EYA2: variants seen among roughly 807,000 people sequenced by gnomAD.
EYA2 encodes the protein protein phosphatase EYA2.
A neutral mutation model predicts 69.2 loss-of-function variants in EYA2; 31 were observed. That is an observed-to-expected ratio of 0.45 (90% CI 0.34 to 0.60). The LOEUF is 0.60. EYA2 is among the 20% of genes least tolerant of loss of function. The pLI is 0.02. For synonymous variants in EYA2, 257 were observed against 279.4 expected (o/e 0.92, Z 0.80); for missense variants, 622 against 701.2 (o/e 0.89, Z 1.28).
At chr20:47,186,833 T>C (rs1198828925) in intron 15 of EYA2, among the ~76,000 whole-genome samples, 2 of 152,212 alleles carry the variant, frequency 1.3e-5, no homozygotes, top group Non-Finnish European at 2.9e-5. Context: ...TCTTATTTAT[T>C]ATCTTTTAAA....
chr20:46,991,947 G>A (rs541965405), intron 2 of EYA2, among the ~76,000 whole-genome samples: 60 of 130,446 alleles, frequency 4.6e-4, no homozygotes, highest in African/African-American at 1.6e-3. Flanking sequence ...CAGCCTGGGC[G>A]ACAGACGTGA....
At chr20:47,121,694 G>A (rs897814217) in intron 9 of EYA2, among the ~76,000 whole-genome samples, 1 of 152,092 alleles carries the variant, frequency 6.6e-6, no homozygotes, top group African/African-American at 2.4e-5. Context: ...ATAGCACTGG[G>A]TCAGATCCTT....
At chr20:46,952,233 T>A (rs568259541) in intron 1 of EYA2, among the ~76,000 whole-genome samples, 12 of 151,940 alleles carry the variant, frequency 7.9e-5, no homozygotes, top group Non-Finnish European at 1.5e-4. Flanking sequence ...GCCGTGGGCA[T>A]GTCTGAAAGG....
At chr20:46,919,895 C>T (rs754769458) in intron 1 of EYA2, among the ~76,000 whole-genome samples, 13 of 152,212 alleles carry the variant, frequency 8.5e-5, no homozygotes, top group Admixed American at 5.2e-4. Flanking sequence ...ACTCAGAGGC[C>T]ATTGTTGGAT....
At chr20:47,062,724 CT>C (rs1422503359) in intron 5 of EYA2, among the ~76,000 whole-genome samples, 1 of 152,150 alleles carries the variant, frequency 6.6e-6, no homozygotes, top group Non-Finnish European at 1.5e-5. Flanking sequence ...CCAGAAGAGC[CT>C]TCTGCGGTGA....
chr20:46,963,083 G>T (rs115951545), intron 1 of EYA2, among the ~76,000 whole-genome samples: 1 of 152,212 alleles, frequency 6.6e-6, no homozygotes, highest in Admixed American at 6.5e-5. Flanking sequence ...TGCCTCAGCA[G>T]GACTAAGCCC....
At chr20:47,175,878 T>C (rs535792977) in intron 12 of EYA2, among the ~76,000 whole-genome samples, 2 of 152,242 alleles carry the variant, frequency 1.3e-5, no homozygotes, top group African/African-American at 2.4e-5. Context: ...CTCCTAGAGT[T>C]GATAGACTAA....
chr20:47,054,504 T>TGG (rs1172384558), intron 5 of EYA2, among the ~76,000 whole-genome samples: 1 of 152,166 alleles, frequency 6.6e-6, no homozygotes, highest in Non-Finnish European at 1.5e-5. Flanking sequence ...TGAGCATGTG[T>TGG]GGGGGGCTGC....
intron 10 of EYA2, among the ~76,000 whole-genome samples, chr20:47,144,693 T>C (rs546209533): frequency 1.3e-5 from 2 of 152,346 alleles, no homozygotes; most frequent in East Asian, 3.9e-4. Context: ...AAAATGGAAT[T>C]GGTATTCTTT....
rs552864802 is a variant in EYA2, at chr20:47,146,074, T to C, written c.978+2926T>C. Among the ~76,000 whole-genome samples the C allele has an allele frequency of 1.7e-4, 25 of 151,156 alleles. No homozygotes were observed. The South Asian group carries it at 1.7e-3, about 10-fold the overall frequency. ...CTTGCTGATAGACTAGATGTGGAGG[T>C]TGGGGGAGAGAGAGGTGGCAAGGAC... is the stretch of plus-strand genomic sequence containing the variant. On this transcript the variant is annotated intron_variant, in intron 10 of 15. Coordinates refer to ENST00000327619, the MANE Select transcript of EYA2 (RefSeq NM_005244.5).
chr20:46,961,717 C>G (rs1253980822), intron 1 of EYA2, among the ~76,000 whole-genome samples: 1 of 152,200 alleles, frequency 6.6e-6, no homozygotes, highest in Non-Finnish European at 1.5e-5. Context: ...CTGCCATTCT[C>G]AGCAACATGA....
intron 7 of EYA2, among the ~76,000 whole-genome samples, chr20:47,082,203 A>G (rs2031746886): frequency 6.6e-6 from 1 of 152,148 alleles, no homozygotes; most frequent in Non-Finnish European, 1.5e-5. Context: ...ATATTTAAGA[A>G]CTCACTTTAA....
At chr20:46,898,261 T>C (rs1983909413) in intron 1 of EYA2, among the ~76,000 whole-genome samples, 1 of 151,482 alleles carries the variant, frequency 6.6e-6, no homozygotes, top group African/African-American at 2.4e-5. Context: ...TGGTTTTTTT[T>C]TTTTTTGGTT....
chr20:47,154,245 C>G (rs1051414822), intron 10 of EYA2, among the ~76,000 whole-genome samples: 4 of 151,980 alleles, frequency 2.6e-5, no homozygotes, highest in Admixed American at 6.5e-5. Context: ...AGAGAGAAAA[C>G]AGCTGTCTGG....
chr20:47,170,646 C>CA (rs56782816), intron 11 of EYA2, among the ~76,000 whole-genome samples: 2,933 of 84,342 alleles, frequency 0.035, 120 homozygotes, highest in East Asian at 0.25. Context: ...GACTCCGTCT[C>CA]AAAAAAAAAA....
chr20:47,028,011 C>G (rs1041047669), intron 5 of EYA2, among the ~76,000 whole-genome samples: 2 of 152,022 alleles, frequency 1.3e-5, no homozygotes, highest in Non-Finnish European at 2.9e-5. Flanking sequence ...GGTGATGAGG[C>G]CTTTGGGAGG....
At chr20:47,144,891 A>C (rs1410578360) in intron 10 of EYA2, among the ~76,000 whole-genome samples, 1 of 152,200 alleles carries the variant, frequency 6.6e-6, no homozygotes, top group Non-Finnish European at 1.5e-5. Context: ...CAAACAAACA[A>C]AAACTGTGGC....
intron 4 of EYA2, among the ~76,000 whole-genome samples, chr20:47,009,911 G>A (rs976734051): frequency 3.9e-5 from 6 of 152,104 alleles, no homozygotes; most frequent in Admixed American, 3.3e-4. Context: ...ACATTCTTTT[G>A]CAACTTGCTT....
At chr20:46,951,685 C>A (rs1482811486) in intron 1 of EYA2, among the ~76,000 whole-genome samples, 1 of 152,336 alleles carries the variant, frequency 6.6e-6, no homozygotes, top group Non-Finnish European at 1.5e-5. Context: ...CCCCACTAAC[C>A]TGCTGTGGGA....
Sources: allele counts gnomAD v4.1 joint callset (sites outside exome capture counted in the v4.1 genomes callset), GRCh38; gene constraint gnomAD v4.1.1; transcripts MANE v1.5; gene names NCBI Gene and HGNC (gene_info 2026-07-23, HGNC 2026-07-21).